Variants in CFAP61 observed in about 807,000 individuals in gnomAD.
The protein encoded by CFAP61 is cilia- and flagella-associated protein 61.
In CFAP61, 107 loss-of-function variants were observed where a neutral mutation model predicts 135.6. The ratio of observed to expected loss-of-function variants is 0.79; its 90% CI spans 0.67 to 0.93. The LOEUF is 0.93. Among genes scored for constraint, CFAP61 ranks in the 40% least tolerant of loss-of-function variants. The probability of loss-of-function intolerance (pLI) is 0.00; values close to 1 mark genes in which losing one functional copy is unlikely to be tolerated. For missense variants in CFAP61, 1,507 were observed against 1,556.2 expected, an observed-to-expected ratio of 0.97 and a Z score of 0.53; for synonymous variants, 575 against 578.5, an observed-to-expected ratio of 0.99 and a Z score of 0.09.
intron 8 of CFAP61, among the ~76,000 whole-genome samples, chr20:20,100,508 G>A (rs2047943989): frequency 6.6e-6 from 1 of 152,144 alleles, no homozygotes; most frequent in Non-Finnish European, 1.5e-5. Flanking sequence ...ATTCTCACAT[G>A]TAAAATGGAG....
chr20:20,116,090 A>G (rs919738607), intron 8 of CFAP61, among the ~76,000 whole-genome samples: 1 of 152,112 alleles, frequency 6.6e-6, no homozygotes, highest in African/African-American at 2.4e-5. Context: ...CCCCTTCTCT[A>G]CATTCTCACC....
At chr20:20,128,079 A>G (rs1407628077) in intron 8 of CFAP61, among the ~76,000 whole-genome samples, 2 of 151,680 alleles carry the variant, frequency 1.3e-5, no homozygotes, top group Non-Finnish European at 2.9e-5. Flanking sequence ...TGGGCGAGCT[A>G]GGCTTGAGAA....
intron 8 of CFAP61, among the ~76,000 whole-genome samples, chr20:20,118,260 T>C (rs1169379967): frequency 1.6e-5 from 1 of 60,750 alleles, no homozygotes. Flanking sequence ...TATGTTTCTT[T>C]CTTTCTTTCT....
intron 12 of CFAP61, among the ~76,000 whole-genome samples, chr20:20,168,270 C>T (rs1468789599): frequency 6.6e-6 from 1 of 152,088 alleles, no homozygotes; most frequent in Admixed American, 6.5e-5. Context: ...GTCATCTTGC[C>T]CAGGCTGGGC....
At chr20:20,343,929 G>A (rs908941654) in intron 26 of CFAP61, among the ~76,000 whole-genome samples, 11 of 152,216 alleles carry the variant, frequency 7.2e-5, no homozygotes, top group Admixed American at 2.0e-4. Flanking sequence ...TATGAACTCA[G>A]TGTGGACAGC....
At chr20:20,273,286 G>A (rs1049708637) in intron 21 of CFAP61, among the ~76,000 whole-genome samples, 3 of 152,058 alleles carry the variant, frequency 2.0e-5, no homozygotes, top group Non-Finnish European at 2.9e-5. Flanking sequence ...ATTTGTTGTA[G>A]GCACACACAA....
chr20:20,304,337 C>G (rs1396799622), intron 25 of CFAP61, among the ~76,000 whole-genome samples: 1 of 144,482 alleles, frequency 6.9e-6, no homozygotes, highest in Admixed American at 7.0e-5. Flanking sequence ...AGAATTTGAT[C>G]AATGGATTGA....
chr20:20,308,120 C>T (rs989753207), intron 25 of CFAP61, among the ~76,000 whole-genome samples: 1 of 152,156 alleles, frequency 6.6e-6, no homozygotes, highest in Non-Finnish European at 1.5e-5. Flanking sequence ...AAGTGGCGAC[C>T]ATATCAGACA....
chr20:20,263,153 A>G, intron 21 of CFAP61, 23 bp downstream of exon 21: 1 of 1,587,236 alleles, frequency 6.3e-7, no homozygotes, highest in Non-Finnish European at 8.6e-7. Flanking sequence ...GTAACTGTGC[A>G]TCTCTTCAGA....
intron 26 of CFAP61, among the ~76,000 whole-genome samples, chr20:20,349,160 A>G (rs574156868): frequency 6.6e-6 from 1 of 152,320 alleles, no homozygotes; most frequent in South Asian, 2.1e-4. Context: ...ACACACAATA[A>G]TCCATTGTCT....
At chr20:20,096,798 G>C (rs1005807838) in intron 7 of CFAP61, among the ~76,000 whole-genome samples, 1 of 152,184 alleles carries the variant, frequency 6.6e-6, no homozygotes, top group African/African-American at 2.4e-5. Context: ...GTGCAAACAA[G>C]ACAAACAATC....
chr20:20,296,955 A>T lies in CFAP61; in HGVS notation c.3217-1226A>T, dbSNP rs545946812. Among the ~76,000 whole-genome samples the T allele has an allele frequency of 3.3e-5, 5 of 152,166 alleles. No homozygotes were observed. In the East Asian group the frequency reaches 7.7e-4, roughly 24 times the overall value. On this transcript the variant is annotated intron_variant, in intron 24 of 26. Transcript: ENST00000245957. ...ATGGTGGTAGATTTCCCGTCTATCC[A>T]TCCATTTCTATAAACAAAGGACCAT...
chr20:20,071,082 C>T (rs897757242), intron 3 of CFAP61, 78 bp downstream of exon 3: 3 of 1,462,496 alleles, frequency 2.1e-6, no homozygotes, highest in Non-Finnish European at 1.9e-6. Flanking sequence ...TATGTCTTTC[C>T]AAGTTTTGTA....
At chr20:20,277,633 A>G (rs1601777782) in intron 22 of CFAP61, among the ~76,000 whole-genome samples, 175 bp downstream of exon 22, 1 of 152,238 alleles carries the variant, frequency 6.6e-6, no homozygotes, top group Non-Finnish European at 1.5e-5. Flanking sequence ...ACTCAGTGGC[A>G]TAAAGCAACA....
rs7274438 is a variant in CFAP61 at position 20,347,710 on chromosome 20, C to T, written c.3513+5789C>T. ...AGCACTTTGGGAGGCCAAGGTGGGC[C>T]GATCACGAGGTCAGGAGTTCGAGAC... On this transcript the variant is annotated intron_variant, in intron 26 of 26. Coordinates refer to ENST00000245957, the MANE Select transcript of CFAP61 (RefSeq NM_015585.4). Among the ~76,000 whole-genome samples, 636 of 151,894 alleles carry T rather than the reference C, an allele frequency of 4.2e-3. 3 individuals carry two copies. Among genetic ancestry groups the T allele is most frequent in the African/African-American group, 0.014 (562 of 41,428 alleles).
intron 8 of CFAP61, among the ~76,000 whole-genome samples, chr20:20,118,156 T>C (rs1296704577): frequency 1.3e-5 from 2 of 152,184 alleles, no homozygotes; most frequent in Non-Finnish European, 2.9e-5. Context: ...ATCCTTGTCT[T>C]GTTCTAGATC....
intron 26 of CFAP61, among the ~76,000 whole-genome samples, chr20:20,346,518 C>CA (rs533647243): frequency 0.5 from 66,129 of 131,616 alleles, 17,110 homozygotes; most frequent in East Asian, 0.78. Flanking sequence ...AACTCCGTCT[C>CA]AAAAAAAAAA....
intron 13 of CFAP61, among the ~76,000 whole-genome samples, chr20:20,169,665 T>G (rs953912090): frequency 6.6e-6 from 1 of 152,222 alleles, no homozygotes; most frequent in Non-Finnish European, 1.5e-5. Flanking sequence ...TATTAAAACA[T>G]AATATAGCTC....
At chr20:20,174,384 G>A (rs1194893579) in intron 13 of CFAP61, among the ~76,000 whole-genome samples, 1 of 152,162 alleles carries the variant, frequency 6.6e-6, no homozygotes, top group Non-Finnish European at 1.5e-5. Flanking sequence ...GGTCCCATAG[G>A]GGAAGACATC....
Sources: allele counts gnomAD v4.1 joint callset (sites outside exome capture counted in the v4.1 genomes callset), GRCh38; gene constraint gnomAD v4.1.1; transcripts MANE v1.5; gene names NCBI Gene and HGNC (gene_info 2026-07-23, HGNC 2026-07-21).